Variants in TF observed in about 807,000 individuals in gnomAD.
TF encodes serotransferrin.
Under a neutral mutation model 82.4 loss-of-function variants are expected in TF, and 55 were observed. The observed-to-expected ratio is 0.67, with a 90% CI of 0.54 to 0.84. TF has a LOEUF of 0.84. TF is among the 40% of genes least tolerant of loss of function. The pLI, the probability that TF is intolerant of heterozygous loss-of-function variation, is 0.00. For synonymous variants in TF, 332 were observed against 332.6 expected (o/e 1.00, Z 0.02); for missense variants, 737 against 868.4 (o/e 0.85, Z 1.90).
At chr3:133,695,391 G>A in the TF span, among the ~76,000 whole-genome samples, 2 of 151,988 alleles carry the variant, frequency 1.3e-5, no homozygotes, top group Admixed American at 6.6e-5. Flanking sequence ...GGGACTACAG[G>A]CACATGCCAC....
intron 3 of TF, 120 bp from the exon 4 acceptor site, chr3:133,754,375 C>A (rs1472662912): frequency 2.0e-6 from 2 of 1,003,392 alleles, no homozygotes; most frequent in Non-Finnish European, 3.1e-6. Flanking sequence ...CACTCCTTAT[C>A]GCCCAGTCCA....
chr3:133,758,029 G>A, intron 8 of TF, 83 bp downstream of exon 8: 1 of 1,339,190 alleles, frequency 7.5e-7, no homozygotes, highest in Non-Finnish European at 1.1e-6. Flanking sequence ...GTCTTTTCAG[G>A]GACCTGCACG....
the TF span, among the ~76,000 whole-genome samples, chr3:133,710,896 T>C: frequency 0.8 from 121,620 of 152,074 alleles, 48,971 homozygotes; most frequent in African/African-American, 0.86. Context: ...CCACTCACTC[T>C]TCAACTCCCT....
chr3:133,748,592 G>A lies in TF; in HGVS notation c.216+8G>A, dbSNP rs770403167. 29 of 1,613,854 alleles carry A rather than the reference G, an allele frequency of 1.8e-5. No individual in the cohort carries two copies. The highest frequency in any genetic ancestry group is 3.3e-5 in the Admixed American group (2 of 59,972). Reference sequence around the variant, plus strand: ...TGCATCAGGGCCATTGCGGTAAGTCGCTGCTGCCTAAAAGAGAGTGGAAGA... The same window carrying A: ...TGCATCAGGGCCATTGCGGTAAGTCACTGCTGCCTAAAAGAGAGTGGAAGA... On this transcript the variant is annotated splice_region_variant and intron_variant, in intron 2 of 16. Transcript: ENST00000402696.
At chr3:133,692,715 A>G in the TF span, 1 of 152,178 alleles carries the variant, frequency 6.6e-6, no homozygotes, top group African/African-American at 2.4e-5. Context: ...CGTGCTCCAG[A>G]AGATCAGTGA....
At chr3:133,767,492 C>G (rs1934155941) in intron 12 of TF, among the ~76,000 whole-genome samples, 1 of 152,174 alleles carries the variant, frequency 6.6e-6, no homozygotes, top group African/African-American at 2.4e-5. Flanking sequence ...CAAAGTGTGG[C>G]CAAGGTGACA....
the TF span, chr3:133,699,556 A>G: frequency 2.6e-6 from 2 of 761,706 alleles, no homozygotes; most frequent in Non-Finnish European, 4.2e-6. Flanking sequence ...GTCCTTTCTC[A>G]TACTGTCATG....
At chr3:133,696,312 C>G in the TF span, among the ~76,000 whole-genome samples, 2 of 151,880 alleles carry the variant, frequency 1.3e-5, no homozygotes, top group African/African-American at 4.8e-5. Context: ...AAAAATGGTT[C>G]TTTTTTTATT....
chr3:133,749,888 GC>G (rs2107908793), intron 2 of TF, among the ~76,000 whole-genome samples: 1 of 152,272 alleles, frequency 6.6e-6, no homozygotes, highest in African/African-American at 2.4e-5. Flanking sequence ...AGGGGAGAAC[GC>G]AGGGCTCTGT....
At chr3:133,726,292 T>A in the TF span, among the ~76,000 whole-genome samples, 382 of 152,188 alleles carry the variant, frequency 2.5e-3, 7 homozygotes, top group South Asian at 0.019. Flanking sequence ...GGTCCTGGAC[T>A]TTTTTTTGTT....
At chr3:133,755,776 G>C (rs1576358449) in intron 5 of TF, 1 of 515,362 alleles carries the variant, frequency 1.9e-6, no homozygotes, top group East Asian at 3.6e-5. Flanking sequence ...GGATCGGGCA[G>C]AGCCTGAAAG....
At chr3:133,669,634 C>A in the TF span, among the ~76,000 whole-genome samples, 1 of 152,214 alleles carries the variant, frequency 6.6e-6, no homozygotes, top group South Asian at 2.1e-4. Context: ...AATATCAACA[C>A]ACAGAGCAAT....
Position 133,781,229 on chromosome 3 carries a change from T to C in TF, c.*2609T>C, listed in dbSNP as rs890141508. 1.2e-4 allele frequency: 18 copies of C among 147,668 alleles called. No individual in the cohort carries two copies. Among genetic ancestry groups the C allele is most frequent in the African/African-American group, 4.0e-4 (16 of 39,752 alleles). 9.1% of individuals were successfully genotyped at this position (147,668 alleles called of 1,614,324 possible). A position where few individuals can be genotyped will look rare whatever the true frequency, so the allele number is the denominator to read the frequency against. ...TACTCGGGAGGCTGAGGCGGGAGAA[T>C]TGCTTGAACCTGGGAGGCAGAAGTT... On this transcript the variant is annotated 3_prime_UTR_variant, in exon 17 of 17. Coordinates refer to ENST00000402696, the MANE Select transcript of TF (RefSeq NM_001063.4).
the TF span, among the ~76,000 whole-genome samples, chr3:133,735,264 T>C: frequency 3.3e-5 from 5 of 149,996 alleles, no homozygotes; most frequent in African/African-American, 1.2e-4. Flanking sequence ...TGCTTGAACC[T>C]GGCAGGCAGA....
At chr3:133,733,040 A>G in the TF span, among the ~76,000 whole-genome samples, 5 of 152,332 alleles carry the variant, frequency 3.3e-5, no homozygotes, top group East Asian at 9.6e-4. Context: ...ACTGAATGCC[A>G]CTTCTACCAA....
intron 4 of TF, 53 bp from the exon 5 acceptor site, chr3:133,755,310 G>T: frequency 1.9e-6 from 3 of 1,613,552 alleles, no homozygotes; most frequent in Non-Finnish European, 2.5e-6. Context: ...TGATGCCATT[G>T]GCTGTGGCCA....
At chr3:133,738,360 T>G in the TF span, among the ~76,000 whole-genome samples, 1 of 152,222 alleles carries the variant, frequency 6.6e-6, no homozygotes, top group Admixed American at 6.5e-5. Flanking sequence ...AATATCATAC[T>G]GAATAGGCAA....
chr3:133,722,538 G>T, the TF span, among the ~76,000 whole-genome samples: 1 of 151,850 alleles, frequency 6.6e-6, no homozygotes. Context: ...GTTTTCTGTG[G>T]TTTCTCTTTC....
upstream of TF, among the ~76,000 whole-genome samples, chr3:133,742,546 G>A (rs927686313): frequency 6.6e-6 from 1 of 152,106 alleles, no homozygotes; most frequent in African/African-American, 2.4e-5. Flanking sequence ...AAAGTACCCT[G>A]CCCAGTCCCC....
Sources: gnomAD v4.1 joint callset for allele counts (sites outside exome capture counted in the v4.1 genomes callset) on GRCh38, gnomAD v4.1.1 for gene constraint, MANE v1.5 for transcripts, NCBI Gene and HGNC (gene_info 2026-07-23, HGNC 2026-07-21) for gene names.